The following GLI3 variants were observed in gnomAD, a reference collection of about 807,000 sequenced individuals.
The protein encoded by GLI3 is transcription activator GLI3.
In GLI3, 20 loss-of-function variants were observed where a neutral mutation model predicts 100.8. The ratio of observed to expected loss-of-function variants is 0.20; its 90% CI spans 0.14 to 0.29. The LOEUF (loss-of-function observed/expected upper bound fraction) is 0.29, where lower values mean the gene tolerates loss of function less well. Ranked by LOEUF, GLI3 falls within the 10% of genes least tolerant of loss-of-function variation. The pLI is 1.00. For synonymous variants in GLI3, 938 were observed against 860.5 expected (o/e 1.09, Z -1.58); for missense variants, 2,040 against 2,128.5 (o/e 0.96, Z 0.82).
At chr7:41,981,343 A>G (rs981155675) in intron 10 of GLI3, among the ~76,000 whole-genome samples, 2 of 152,206 alleles carry the variant, frequency 1.3e-5, no homozygotes, top group Admixed American at 1.3e-4. Flanking sequence ...TCATGTCTCC[A>G]GCAGTGAGGA....
At chr7:42,249,795 CT>C (rs1789013217) in intron 1 of GLI3, among the ~76,000 whole-genome samples, 1 of 151,746 alleles carries the variant, frequency 6.6e-6, no homozygotes, top group African/African-American at 2.4e-5. Context: ...ACACTTTTTG[CT>C]TTTAAAAAAA....
chr7:42,011,405 T>C (rs1788607486), intron 10 of GLI3, among the ~76,000 whole-genome samples: 1 of 152,210 alleles, frequency 6.6e-6, no homozygotes, highest in East Asian at 1.9e-4. Context: ...GCAATCCCAC[T>C]TCTAGGGATA....
intron 7 of GLI3, among the ~76,000 whole-genome samples, chr7:42,028,473 G>C (rs545684701): frequency 6.6e-6 from 1 of 152,196 alleles, no homozygotes; most frequent in Admixed American, 6.5e-5. Context: ...TTTTAAAAAA[G>C]ATGTAGGAGG....
chr7:42,051,140 C>T (rs144971232), intron 4 of GLI3, among the ~76,000 whole-genome samples: 32 of 152,294 alleles, frequency 2.1e-4, no homozygotes, highest in African/African-American at 5.5e-4. Context: ...CTGGGCTCTA[C>T]GGTCCTTTTA....
At chr7:42,186,956 T>C (rs776382499) in intron 2 of GLI3, among the ~76,000 whole-genome samples, 94 of 151,826 alleles carry the variant, frequency 6.2e-4, no homozygotes, top group Non-Finnish European at 7.8e-4. Context: ...ATGCCTATAA[T>C]CCCAGCACAT....
chr7:42,046,470 A>C (rs1343168447), intron 5 of GLI3, among the ~76,000 whole-genome samples: 3 of 152,214 alleles, frequency 2.0e-5, no homozygotes, highest in South Asian at 2.1e-4. Flanking sequence ...TTTAAGGAAA[A>C]AAACTTTAGG....
At chr7:42,011,142 T>C (rs1203171266) in intron 10 of GLI3, among the ~76,000 whole-genome samples, 1 of 152,194 alleles carries the variant, frequency 6.6e-6, no homozygotes, top group East Asian at 1.9e-4. Flanking sequence ...GTGGCCACTG[T>C]AGATGTATGG....
intron 6 of GLI3, among the ~76,000 whole-genome samples, chr7:42,041,770 A>C (rs1474412189): frequency 6.6e-6 from 1 of 152,250 alleles, no homozygotes; most frequent in African/African-American, 2.4e-5. Flanking sequence ...TAAATGGGAT[A>C]GATAAATATG....
chr7:42,086,377 G>T lies in GLI3; in HGVS notation c.368-9520C>A, dbSNP rs552514342. On this transcript the variant is annotated intron_variant, in intron 3 of 14. Transcript: ENST00000395925. ...TCCACTTCCTGACACAACAATGTCAGAGTTAAGGCTTTTTATCATAGCTTA... is the reference window on the plus strand; with the variant it reads ...TCCACTTCCTGACACAACAATGTCATAGTTAAGGCTTTTTATCATAGCTTA... Among the ~76,000 whole-genome samples, 3 of 152,242 alleles carry T rather than the reference G, an allele frequency of 2.0e-5. No homozygotes were observed. In the East Asian group the frequency reaches 5.8e-4, roughly 29 times the overall value.
chr7:42,208,726 A>C (rs1387119875), intron 2 of GLI3, among the ~76,000 whole-genome samples: 1 of 152,212 alleles, frequency 6.6e-6, no homozygotes, highest in African/African-American at 2.4e-5. Flanking sequence ...GCCAAACAGA[A>C]AACTATGCAA....
intron 2 of GLI3, among the ~76,000 whole-genome samples, chr7:42,201,402 A>G (rs1211778802): frequency 6.6e-6 from 1 of 152,194 alleles, no homozygotes; most frequent in Non-Finnish European, 1.5e-5. Context: ...TTACTGCCAC[A>G]GCTAAGGGAC....
At chr7:42,197,405 A>G (rs1386004328) in intron 2 of GLI3, among the ~76,000 whole-genome samples, 1 of 152,236 alleles carries the variant, frequency 6.6e-6, no homozygotes, top group African/African-American at 2.4e-5. Context: ...TTCTAGAGAA[A>G]TGCAAGGATA....
At position 41,964,603 on chromosome 7, in the gene GLI3, T is replaced by C; in HGVS notation, c.4470A>G (p.Thr1490=). The change falls in exon 15 of 15, where the codon ACA becomes ACG. Residue 1490 remains threonine, a synonymous_variant. Coordinates refer to ENST00000395925, the MANE Select transcript of GLI3 (RefSeq NM_000168.6). ...LSPGANQVTS[T]VDSLDSHDLE... ...GGTCATGGCTGTCGAGGCTGTCCAC[T>C]GTGCTTGTCACCTGATTAGCACCTG... The C allele has an allele frequency of 6.2e-7, 1 of 1,614,130 alleles. No homozygotes were observed. The highest frequency in any genetic ancestry group is 2.2e-5 in the East Asian group (1 of 44,884).
Position 41,962,201 on chromosome 7 carries a change from C to T in GLI3, c.*2129G>A, listed in dbSNP as rs1787029966. On this transcript the variant is annotated 3_prime_UTR_variant, in exon 15 of 15. Transcript: ENST00000395925. ...GAGGAGGTCAGCATGGTCCCTTCCACCCAAGCTCCTTTCTTAGGAGGAGTG... is the reference window on the plus strand; with the variant it reads ...GAGGAGGTCAGCATGGTCCCTTCCATCCAAGCTCCTTTCTTAGGAGGAGTG... The T allele has an allele frequency of 6.6e-6, 1 of 152,184 alleles. No homozygotes were observed. Among genetic ancestry groups the T allele is most frequent in the Non-Finnish European group, 1.5e-5 (1 of 68,056 alleles). 9.4% of individuals were successfully genotyped at this position (152,184 alleles called of 1,614,324 possible). A position where few individuals can be genotyped will look rare whatever the true frequency, so the allele number is the denominator to read the frequency against.
chr7:42,213,008 AG>A (rs1452026699), intron 2 of GLI3, among the ~76,000 whole-genome samples: 1 of 152,222 alleles, frequency 6.6e-6, no homozygotes, highest in Non-Finnish European at 1.5e-5. Flanking sequence ...TTTCTTTCAA[AG>A]AACCTAGGTT....
intron 2 of GLI3, among the ~76,000 whole-genome samples, chr7:42,183,461 CAGCCAGGGCCAT>C (rs1442617347): frequency 6.6e-6 from 1 of 152,138 alleles, no homozygotes; most frequent in Non-Finnish European, 1.5e-5. Context: ...TATCTTACCC[CAGCCAGGGCCAT>C]AGCAAGGGCC....
intron 2 of GLI3, among the ~76,000 whole-genome samples, chr7:42,165,835 T>C (rs1787229984): frequency 6.6e-6 from 1 of 152,170 alleles, no homozygotes. Flanking sequence ...CAAACAAAGT[T>C]AAAACCATAA....
Position 42,253,017 on chromosome 7 carries a change from G to C in GLI3, c.-43+10977C>G, listed in dbSNP as rs375404165. On this transcript the variant is annotated intron_variant, in intron 1 of 2. Transcript: ENST00000678978. ...ATTGACAAAGGTGGAAACGAGAAAGGATTTCCAAAGCAATCATAGTCTTAA... is the reference window on the plus strand; with the variant it reads ...ATTGACAAAGGTGGAAACGAGAAAGCATTTCCAAAGCAATCATAGTCTTAA... Among the ~76,000 whole-genome samples the C allele has an allele frequency of 1.3e-4, 19 of 141,902 alleles. No homozygotes were observed. In the East Asian group the frequency reaches 2.9e-3, roughly 22 times the overall value. 93.1% of individuals were successfully genotyped at this position (141,902 alleles called of 152,430 possible).
chr7:42,072,221 C>T (rs915234321), intron 4 of GLI3, among the ~76,000 whole-genome samples: 1 of 152,152 alleles, frequency 6.6e-6, no homozygotes, highest in African/African-American at 2.4e-5. Flanking sequence ...ACCAAGGACC[C>T]TGCTTTGGAA....
Sources: allele counts gnomAD v4.1 joint callset (sites outside exome capture counted in the v4.1 genomes callset), GRCh38; gene constraint gnomAD v4.1.1; transcripts MANE v1.5; gene names NCBI Gene and HGNC (gene_info 2026-07-23, HGNC 2026-07-21).